The following BSN variants were observed in gnomAD, a reference collection of about 807,000 sequenced individuals.
BSN encodes the protein bassoon presynaptic cytomatrix protein.
Under a neutral mutation model 264.8 loss-of-function variants are expected in BSN, and 57 were observed. The ratio of observed to expected loss-of-function variants is 0.22; its 90% confidence interval spans 0.17 to 0.27. The LOEUF (loss-of-function observed/expected upper bound fraction) is 0.27. Ranked by LOEUF, BSN falls within the 10% of genes least tolerant of loss-of-function variation. The pLI is 1.00. For missense variants in BSN, 4,615 were observed against 5,232.5 expected, an observed-to-expected ratio of 0.88 and a Z score of 3.64; for synonymous variants, 2,059 against 2,137.3, an observed-to-expected ratio of 0.96 and a Z score of 1.01.
chr3:49,641,289 A>G (rs955421002), intron 2 of BSN, among the ~76,000 whole-genome samples: 8 of 152,212 alleles, frequency 5.3e-5, no homozygotes, highest in Non-Finnish European at 8.8e-5. Context: ...CATCATTCTT[A>G]GCATCTCTCT....
chr3:49,572,680 C>T (rs1049319611), intron 1 of BSN, among the ~76,000 whole-genome samples: 6 of 152,172 alleles, frequency 3.9e-5, no homozygotes, highest in Non-Finnish European at 8.8e-5. Context: ...ACTACAGTCA[C>T]CCGCCACCAC....
At chr3:49,595,545 G>A (rs927386111) in intron 1 of BSN, among the ~76,000 whole-genome samples, 1 of 151,724 alleles carries the variant, frequency 6.6e-6, no homozygotes, top group Non-Finnish European at 1.5e-5. Flanking sequence ...AGGCTGGAGT[G>A]CAGTGGCATA....
At chr3:49,584,530 G>T (rs1392410434) in intron 1 of BSN, among the ~76,000 whole-genome samples, 1 of 151,626 alleles carries the variant, frequency 6.6e-6, no homozygotes, top group Non-Finnish European at 1.5e-5. Flanking sequence ...TATTTATAAG[G>T]TACCTGAGAT....
intron 1 of BSN, among the ~76,000 whole-genome samples, chr3:49,566,788 GAA>G (rs36043715): frequency 0.011 from 946 of 86,044 alleles, 8 homozygotes; most frequent in East Asian, 0.026. Flanking sequence ...TGTGTTTCAG[GAA>G]AAAAAAAAAA....
intron 1 of BSN, among the ~76,000 whole-genome samples, chr3:49,599,959 G>A (rs2052059229): frequency 6.6e-6 from 1 of 152,202 alleles, no homozygotes; most frequent in African/African-American, 2.4e-5. Context: ...AAGCAGTGAG[G>A]GAGTCCTGCT....
intron 1 of BSN, among the ~76,000 whole-genome samples, chr3:49,574,132 ATT>A (rs33920630): frequency 1.6e-5 from 2 of 127,972 alleles, no homozygotes; most frequent in Non-Finnish European, 3.2e-5. Context: ...GTATTTTTGT[ATT>A]TTTTTTTTTT....
At chr3:49,618,829 A>C (rs1337263717) in intron 1 of BSN, among the ~76,000 whole-genome samples, 1 of 152,202 alleles carries the variant, frequency 6.6e-6, no homozygotes, top group Admixed American at 6.5e-5. Context: ...TCTTGCAGGG[A>C]TTTGTTTGCA....
chr3:49,590,018 A>G (rs1296602215), intron 1 of BSN, among the ~76,000 whole-genome samples: 1 of 151,882 alleles, frequency 6.6e-6, no homozygotes, highest in Non-Finnish European at 1.5e-5. Context: ...TTGTATTTTT[A>G]GTAGAGACGG....
rs193126279 is a variant in BSN at position 49,605,154 on chromosome 3, G to A, written c.225-19821G>A. Among the ~76,000 whole-genome samples the A allele has an allele frequency of 4.8e-5, 7 of 146,544 alleles. No individual in the cohort carries two copies. In the East Asian group the frequency reaches 1.0e-3, roughly 21 times the overall value. ...GGGTGCCTGTAATCATAGCTACTTGGGAGGCTGAGGCAGGAGAATTGCTTG... is the reference window on the plus strand; with the variant it reads ...GGGTGCCTGTAATCATAGCTACTTGAGAGGCTGAGGCAGGAGAATTGCTTG... On this transcript the variant is annotated intron_variant, in intron 1 of 11. Transcript: ENST00000296452.
Position 49,653,541 on chromosome 3 carries a change from T to G in BSN, c.3985T>G (p.Ser1329Ala). ...TGTGTCCTTCTCTACCCCCACCTCCTCAGACAGCAGCGGGGGCCGAGTTAT... is the reference window on the plus strand; with the variant it reads ...TGTGTCCTTCTCTACCCCCACCTCCGCAGACAGCAGCGGGGGCCGAGTTAT... ...APVSFSTPTS[S>A]DSSGGRVIPD... Residue 1329 changes from serine (S) to alanine (A), a missense_variant, in exon 5 of 12, where the codon TCA becomes GCA. Physicochemically the swap from Ser to Ala is moderately conservative, Grantham distance 99. Transcript: ENST00000296452. This position sits in a 1 kb window ranked among gnomAD's most constrained non-coding sequence, Gnocchi z 6.3. The G allele has an allele frequency of 5.6e-6, 9 of 1,613,754 alleles. No homozygotes were observed. The highest frequency in any genetic ancestry group is 6.8e-6 in the Non-Finnish European group (8 of 1,179,964).
rs780436079 is a variant in BSN, at chr3:49,656,467, G to T, written c.6911G>T (p.Gly2304Val). Residue 2304 changes from glycine (G) to valine (V), a missense_variant, in exon 5 of 12, where the codon GGG (glycine) becomes GTG (valine). Physicochemically the swap from Gly to Val is moderately radical, Grantham distance 109 (BLOSUM62 -3). Transcript: ENST00000296452. ...CCTTCAAGGCCAGAGATGCCAGTAG[G>T]GGCTGCACGGGAAGAGCCTCTTCCC... ...GGPSRPEMPV[G>V]AAREEPLPTT... 1.4e-5 allele frequency: 23 copies of T among 1,597,976 alleles called. No homozygotes were observed. The Middle Eastern group carries it at 5.0e-4, about 35-fold the overall frequency.
intron 1 of BSN, among the ~76,000 whole-genome samples, chr3:49,558,953 G>A (rs1280315060): frequency 6.6e-6 from 1 of 152,170 alleles, no homozygotes; most frequent in Non-Finnish European, 1.5e-5. Context: ...TTGAGACAGA[G>A]TCTTGCTCTG....
intron 1 of BSN, among the ~76,000 whole-genome samples, chr3:49,557,826 A>G (rs1242829830): frequency 6.6e-6 from 1 of 152,104 alleles, no homozygotes; most frequent in Non-Finnish European, 1.5e-5. Flanking sequence ...CGGCCTCCCA[A>G]AGTGCTGGGA....
rs2052699737 is a variant in BSN at position 49,664,782 on chromosome 3, CTCTT to C, written c.11741-11_11741-8del. On this transcript the variant is annotated splice_polypyrimidine_tract_variant and intron_variant, in intron 9 of 11. Transcript: ENST00000296452. ...GGCCCAATTTCCTGATGGCTCTCTCCTCTTTCTTTGTCACAGCTGTCTCTGCTTT... is the reference window on the plus strand; with the variant it reads ...GGCCCAATTTCCTGATGGCTCTCTCCTCTTTGTCACAGCTGTCTCTGCTTT... 1 of 1,613,770 alleles carries C rather than the reference CTCTT, an allele frequency of 6.2e-7. No homozygotes were observed. Among genetic ancestry groups the C allele is most frequent in the African/African-American group, 1.3e-5 (1 of 74,930 alleles).
At chr3:49,597,703 C>T (rs1254760919) in intron 1 of BSN, among the ~76,000 whole-genome samples, 13 of 152,194 alleles carry the variant, frequency 8.5e-5, no homozygotes, top group Admixed American at 7.2e-4. Flanking sequence ...AGTGCAGTGG[C>T]GCAATCTCGG....
In BSN at chr3:49,656,207, G is replaced by A; in HGVS notation, c.6651G>A (p.Arg2217=). The part of the protein sequence containing the change: ...PITTQPASVL[R]PMVRGGMYRP... ...CCACCCAGCCTGCCTCAGTCCTGCG[G>A]CCCATGGTGCGTGGTGGCATGTACA... is the stretch of plus-strand genomic sequence containing the variant. The change falls in exon 5 of 12, where the codon CGG becomes CGA. Residue 2217 remains arginine, a synonymous_variant. Coordinates refer to ENST00000296452, the MANE Select transcript of BSN (RefSeq NM_003458.4). 6.2e-7 allele frequency: 1 copy of A among 1,610,824 alleles called. No individual in the cohort carries two copies. Among genetic ancestry groups the A allele is most frequent in the Non-Finnish European group, 8.5e-7 (1 of 1,178,596 alleles).
intron 1 of BSN, among the ~76,000 whole-genome samples, chr3:49,605,134 C>T (rs2052102404): frequency 6.8e-6 from 1 of 147,974 alleles, no homozygotes; most frequent in South Asian, 2.1e-4. Context: ...GTGGTGGGTG[C>T]CTGTAATCAT....
intron 1 of BSN, among the ~76,000 whole-genome samples, chr3:49,612,280 C>T (rs577250447): frequency 3.3e-5 from 5 of 152,272 alleles, no homozygotes; most frequent in South Asian, 4.1e-4. Context: ...GGATTACAGG[C>T]GCATGCCGCC....
At position 49,655,647 on chromosome 3, in the gene BSN, C is replaced by T. The variant is rs759981264; in HGVS notation, c.6091C>T (p.Arg2031Cys). The T allele has an allele frequency of 6.2e-6, 10 of 1,613,528 alleles. No homozygotes were observed. Among genetic ancestry groups the T allele is most frequent in the South Asian group, 2.2e-5 (2 of 91,086 alleles). The change falls in exon 5 of 12, where the codon CGC becomes TGC. Residue 2031 changes from arginine to cysteine, a missense_variant. Arg to Cys is a radical substitution (Grantham distance 180, BLOSUM62 -3). This residue lies in a region of BSN where 3,415 missense variants were observed against 3,866.4 expected (regional missense o/e 0.88). Coordinates refer to ENST00000296452, the MANE Select transcript of BSN (RefSeq NM_003458.4). ...CTACAGCCTGGGCTTTGCGGATGGACGCTACCTAGGGCAGGGCTTGCAGTA... is the reference window on the plus strand; with the variant it reads ...CTACAGCCTGGGCTTTGCGGATGGATGCTACCTAGGGCAGGGCTTGCAGTA... ...HSYSLGFADGRYLGQGLQYGS... is the reference protein window; with the variant it reads ...HSYSLGFADGCYLGQGLQYGS...
Sources: gnomAD v4.1 joint callset for allele counts (sites outside exome capture counted in the v4.1 genomes callset) on GRCh38, gnomAD v4.1.1 for gene constraint, gnomAD v4.1.1 regional missense constraint, Gnocchi (gnomAD v3.1) non-coding constraint, MANE v1.5 for transcripts, NCBI Gene and HGNC (gene_info 2026-07-23, HGNC 2026-07-21) for gene names.